MTRF1: variants seen among roughly 807,000 people sequenced by gnomAD.
MTRF1 encodes mitochondrial translation release factor 1.
Under a neutral mutation model 62.9 loss-of-function variants are expected in MTRF1, and 51 were observed. The observed-to-expected ratio is 0.81, with a 90% CI of 0.65 to 1.02. The LOEUF is 1.02. MTRF1 is among the 50% of genes least tolerant of loss of function. The pLI, the probability that MTRF1 is intolerant of heterozygous loss-of-function variation, is 0.00. For synonymous variants in MTRF1, 158 were observed against 181.9 expected, an observed-to-expected ratio of 0.87 and a Z score of 1.06; for missense variants, 446 against 530.0, an observed-to-expected ratio of 0.84 and a Z score of 1.56.
intron 9 of MTRF1, among the ~76,000 whole-genome samples, chr13:41,219,998 CAAAAAAAAA>C (rs71086550): frequency 7.1e-5 from 5 of 70,372 alleles, no homozygotes; most frequent in Admixed American, 2.1e-4. Flanking sequence ...ACCTCTGTCT[CAAAAAAAAA>C]AAAAAAAAAA....
At chr13:41,276,057 G>C in the MTRF1 span, among the ~76,000 whole-genome samples, 1 of 152,100 alleles carries the variant, frequency 6.6e-6, no homozygotes, top group Non-Finnish European at 1.5e-5. Context: ...CTTAAAGGCA[G>C]TTTACATAAC....
intron 2 of MTRF1, chr13:41,257,711 T>C (rs993193209): frequency 7.2e-6 from 3 of 416,444 alleles, no homozygotes; most frequent in Non-Finnish European, 1.5e-5. Context: ...GGTTGGAGGA[T>C]TGCTTGAGTC....
the MTRF1 span, among the ~76,000 whole-genome samples, chr13:41,286,944 CG>C: frequency 6.6e-6 from 1 of 152,170 alleles, no homozygotes; most frequent in Non-Finnish European, 1.5e-5. Flanking sequence ...CTTTACCTAT[CG>C]GAAAATTACT....
rs2031983156 is a variant in MTRF1, at chr13:41,216,713, T to C, written c.*402A>G. ...ACTTTGTATTTAAATAAAAGGTTTA[T>C]AAGGAAGTCTAAAATTCATATTTTA... On this transcript the variant is annotated 3_prime_UTR_variant, in exon 10 of 10. Coordinates refer to ENST00000379480, the MANE Select transcript of MTRF1 (RefSeq NM_004294.4). 6.5e-6 allele frequency: 1 copy of C among 153,300 alleles called. No individual in the cohort carries two copies. The highest frequency in any genetic ancestry group is 6.5e-5 in the Admixed American group (1 of 15,314). 9.5% of individuals were successfully genotyped at this position (153,300 alleles called of 1,614,324 possible). A position where few individuals can be genotyped will look rare whatever the true frequency, so the allele number is the denominator to read the frequency against.
At chr13:41,276,922 A>T in the MTRF1 span, among the ~76,000 whole-genome samples, 1 of 152,134 alleles carries the variant, frequency 6.6e-6, no homozygotes, top group East Asian at 1.9e-4. Context: ...CCCACCCAGA[A>T]GCTACTCAGT....
At chr13:41,283,585 C>CTTTTTTTT in the MTRF1 span, among the ~76,000 whole-genome samples, 258 of 83,550 alleles carry the variant, frequency 3.1e-3, 23 homozygotes, top group African/African-American at 5.4e-3. Context: ...CTCTGACAAT[C>CTTTTTTTT]TTTTTTTTTT....
At chr13:41,236,985 A>T (rs947578163) in intron 6 of MTRF1, among the ~76,000 whole-genome samples, 1 of 152,176 alleles carries the variant, frequency 6.6e-6, no homozygotes, top group African/African-American at 2.4e-5. Context: ...CGGGTGGCCA[A>T]GGCAGGCAGA....
At chr13:41,227,317 T>C (rs1168490741) in intron 7 of MTRF1, among the ~76,000 whole-genome samples, 1 of 151,836 alleles carries the variant, frequency 6.6e-6, no homozygotes, top group Admixed American at 6.6e-5. Context: ...AAAAAAACTT[T>C]ATAGAAAAAA....
the MTRF1 span, chr13:41,311,731 T>G: frequency 4.2e-6 from 3 of 721,144 alleles, no homozygotes; most frequent in Non-Finnish European, 6.7e-6. Flanking sequence ...GGACCCCACT[T>G]TCCCGCTCCG....
intron 5 of MTRF1, among the ~76,000 whole-genome samples, chr13:41,248,461 TGCC>T (rs1267682530): frequency 6.6e-6 from 1 of 152,200 alleles, no homozygotes; most frequent in African/African-American, 2.4e-5. Context: ...ATGGTAACTC[TGCC>T]TACTACTTGG....
At chr13:41,276,615 C>G in the MTRF1 span, among the ~76,000 whole-genome samples, 1 of 152,142 alleles carries the variant, frequency 6.6e-6, no homozygotes, top group Non-Finnish European at 1.5e-5. Context: ...TGGAGGTGAT[C>G]TGATCTAGCC....
At chr13:41,293,259 G>A in the MTRF1 span, among the ~76,000 whole-genome samples, 1 of 151,952 alleles carries the variant, frequency 6.6e-6, no homozygotes, top group South Asian at 2.1e-4. Flanking sequence ...ATCTCTTAAG[G>A]ATAAATTAGT....
intron 2 of MTRF1, chr13:41,257,678 G>C (rs1257741678): frequency 1.1e-5 from 4 of 349,454 alleles, no homozygotes; most frequent in Non-Finnish European, 2.4e-5. Flanking sequence ...CACACCTGTA[G>C]TCCCAGCTAC....
At chr13:41,274,673 TATAATAATA>T in the MTRF1 span, among the ~76,000 whole-genome samples, 1 of 149,136 alleles carries the variant, frequency 6.7e-6, no homozygotes, top group African/African-American at 2.5e-5. Context: ...ATAATAAATA[TATAATAATA>T]ATAATAATAA....
rs144966061 is a variant in MTRF1, at chr13:41,247,384, A to G, written c.697+5261T>C. Among the ~76,000 whole-genome samples the G allele has an allele frequency of 3.2e-3, 493 of 152,334 alleles. 2 individuals carry two copies. The highest frequency in any genetic ancestry group is 0.011 in the African/African-American group (451 of 41,574). On this transcript the variant is annotated intron_variant, in intron 5 of 9. Transcript: ENST00000379480. ...GGCTTTCATTGACAGGGATGGAGAA[A>G]AAGGCATTTGCCACATCAACAGCTG...
At position 41,233,926 on chromosome 13, in the gene MTRF1, T is replaced by C; in HGVS notation, c.952A>G (p.Thr318Ala). 1.9e-6 allele frequency: 3 copies of C among 1,614,120 alleles called. No homozygotes were observed. In the African/African-American group the frequency reaches 4.0e-5, roughly 22 times the overall value. ...KGAGGQHVNKTDSAVRLVHIP... is the reference protein window; with the variant it reads ...KGAGGQHVNKADSAVRLVHIP... ...TGGACAAGTCTGACGGCACTATCAG[T>C]TTTATTAACATGCTGCCCTCCTGCT... The change falls in exon 7 of 10, where the codon ACT becomes GCT. Residue 318 changes from threonine (T) to alanine (A), a missense_variant. Physicochemically the swap from Thr to Ala is moderately conservative, Grantham distance 58. Transcript: ENST00000379480.
At chr13:41,225,893 CTATT>C (rs1223720210) in intron 8 of MTRF1, among the ~76,000 whole-genome samples, 1 of 150,590 alleles carries the variant, frequency 6.6e-6, no homozygotes, top group Non-Finnish European at 1.5e-5. Flanking sequence ...TAGAATTCAT[CTATT>C]TATCTATTTG....
intron 3 of MTRF1, among the ~76,000 whole-genome samples, chr13:41,254,145 C>A (rs1300825519): frequency 5.3e-5 from 8 of 152,170 alleles, no homozygotes; most frequent in Non-Finnish European, 1.0e-4. Context: ...CCTTTGGATT[C>A]ATTCCATTCT....
chr13:41,249,619 CTTTTTTTT>C (rs1166204914), intron 5 of MTRF1, among the ~76,000 whole-genome samples: 29 of 61,536 alleles, frequency 4.7e-4, no homozygotes, highest in South Asian at 3.2e-3. Context: ...ATTTTTTTTT[CTTTTTTTT>C]TTTTTTTTTT....
Sources: allele counts gnomAD v4.1 joint callset (sites outside exome capture counted in the v4.1 genomes callset), GRCh38; gene constraint gnomAD v4.1.1; transcripts MANE v1.5; gene names NCBI Gene and HGNC (gene_info 2026-07-23, HGNC 2026-07-21).